STAG2: variants seen among roughly 807,000 people sequenced by gnomAD.
STAG2 encodes STAG2 cohesin complex component.
A neutral mutation model predicts 108.1 loss-of-function variants in STAG2; 14 were observed. That is an observed-to-expected ratio of 0.13 (90% CI 0.09 to 0.20). The LOEUF is 0.20. STAG2 is among the 10% of genes least tolerant of loss of function. The probability of loss-of-function intolerance (pLI) is 1.00; values close to 1 mark genes in which losing one functional copy is unlikely to be tolerated. For missense variants in STAG2, 440 were observed against 940.9 expected (o/e 0.47, Z 6.96); for synonymous variants, 307 against 302.7 (o/e 1.01, Z -0.15).
intron 34 of STAG2, 140 bp from the exon 35 acceptor site, chrX:124,100,434 C>T (rs1317491304): frequency 2.1e-6 from 1 of 484,167 alleles, no homozygotes; most frequent in East Asian, 3.8e-5. Context: ...AATTATACAT[C>T]TGAAGAGAGG....
intron 9 of STAG2, 71 bp from the exon 10 acceptor site, chrX:124,048,934 G>A (rs1194555142): frequency 4.6e-6 from 4 of 878,554 alleles, no homozygotes; most frequent in Non-Finnish European, 6.6e-6. Context: ...TTTTGTGCTT[G>A]TAACAACTTA....
In STAG2 at chrX:124,071,142, TA is replaced by T; in HGVS notation, c.2359-4del. On this transcript the variant is annotated splice_polypyrimidine_tract_variant and splice_region_variant and intron_variant, in intron 24 of 34. Coordinates refer to ENST00000371145, the MANE Select transcript of STAG2 (RefSeq NM_001042750.2). ...CATGCTTTCCTCTTTTTTTTTTTTT[TA>T]AATAGGCCTTCACTATTCTGTGTGA... The T allele has an allele frequency of 2.8e-6, 3 of 1,081,300 alleles. No individual in the cohort carries two copies. Among genetic ancestry groups the T allele is most frequent in the Non-Finnish European group, 2.4e-6 (2 of 831,334 alleles). The allele number at this position is 1,081,300 out of a possible 1,213,427, so 89.1% of individuals were successfully genotyped here. A position where few individuals can be genotyped will look rare whatever the true frequency, so the allele number is the denominator to read the frequency against.
chrX:124,016,999 C>A (rs1434710091), intron 1 of STAG2, among the ~76,000 whole-genome samples: 2 of 110,785 alleles, frequency 1.8e-5, no homozygotes, highest in African/African-American at 6.6e-5. Context: ...AAGGGTATGG[C>A]ATGTGGTGTG....
In STAG2 at chrX:124,061,046, C is replaced by T. The variant is rs750844481; in HGVS notation, c.1417-178C>T. On this transcript the variant is annotated intron_variant, in intron 15 of 34. Transcript: ENST00000371145. ...TAATGTGTAATGATGCTACCTAACA[C>T]GTCTTTCTTACAGCAAGCAAACTAA... is the stretch of plus-strand genomic sequence containing the variant. Among the ~76,000 whole-genome samples the T allele has an allele frequency of 3.6e-5, 4 of 110,473 alleles. No homozygotes were observed. In the South Asian group the frequency reaches 1.5e-3, roughly 41 times the overall value.
At chrX:124,026,475 G>A (rs1023604498) in intron 4 of STAG2, 8 of 163,191 alleles carry the variant, frequency 4.9e-5, no homozygotes, top group Non-Finnish European at 1.4e-5. Context: ...TTGGCGAATG[G>A]CTAAATTATT....
chrX:124,014,522 A>G (rs1036139321), intron 1 of STAG2, among the ~76,000 whole-genome samples: 2 of 110,196 alleles, frequency 1.8e-5, no homozygotes, highest in Admixed American at 9.7e-5. Flanking sequence ...CACCATGCCC[A>G]GCTAATTTTT....
intron 1 of STAG2, among the ~76,000 whole-genome samples, chrX:124,011,886 A>G (rs2056534433): frequency 1.8e-5 from 2 of 111,677 alleles, no homozygotes; most frequent in Non-Finnish European, 1.9e-5. Context: ...TAAAGACCCC[A>G]CTTCTCAGTA....
intron 1 of STAG2, among the ~76,000 whole-genome samples, chrX:124,001,864 T>C (rs757683217): frequency 9.0e-6 from 1 of 111,586 alleles, no homozygotes; most frequent in African/African-American, 3.3e-5. Context: ...TGACTATATA[T>C]TGAGGTATAA....
At chrX:124,003,420 T>G (rs1481917238) in intron 1 of STAG2, 1 of 111,589 alleles carries the variant, frequency 9.0e-6, no homozygotes, top group African/African-American at 3.3e-5. Flanking sequence ...AAATATAATT[T>G]TTTTTTAATA....
intron 1 of STAG2, among the ~76,000 whole-genome samples, chrX:124,006,629 C>T (rs772719580): frequency 5.4e-4 from 59 of 109,863 alleles, no homozygotes; most frequent in East Asian, 4.3e-3. Context: ...TTAGTAGAGA[C>T]GGGGTTTCAC....
At position 124,102,099 on chromosome X, in the gene STAG2, CA is replaced by C; in HGVS notation, c.*1507del. 1.9e-5 allele frequency: 3 copies of C among 160,219 alleles called. No individual in the cohort carries two copies. Among genetic ancestry groups the C allele is most frequent in the Non-Finnish European group, 3.7e-5 (3 of 81,851 alleles). The allele number at this position is 160,219 out of a possible 1,213,427, so 13.2% of individuals were successfully genotyped here. On this transcript the variant is annotated 3_prime_UTR_variant, in exon 35 of 35. Coordinates refer to ENST00000371145, the MANE Select transcript of STAG2 (RefSeq NM_001042750.2). ...AAATCAAGCATTGGGCTGTGGTAGC[CA>C]AAAACCATAGGTTAGCTAAAAAGAT... is the stretch of plus-strand genomic sequence containing the variant.
rs2057483330 is a variant in STAG2 at position 124,035,293 on chromosome X, A to G, written c.289-2234A>G. ...GCATACTATTTGATTAAAAATTTTA[A>G]GCATATTTCAGTAGCTCGCATTATT... On this transcript the variant is annotated intron_variant, in intron 5 of 34. Transcript: ENST00000371145. 2.7e-5 allele frequency among the ~76,000 whole-genome samples: 3 copies of G among 111,902 alleles called. No individual in the cohort carries two copies. In the South Asian group the frequency reaches 1.1e-3, roughly 41 times the overall value.
intron 25 of STAG2, among the ~76,000 whole-genome samples, chrX:124,072,192 A>G (rs2058680291): frequency 9.0e-6 from 1 of 110,759 alleles, no homozygotes; most frequent in South Asian, 3.9e-4. Flanking sequence ...TTTTGTAGAC[A>G]TGGGGTCTTG....
intron 4 of STAG2, among the ~76,000 whole-genome samples, chrX:124,029,015 T>G (rs866346693): frequency 1.0e-5 from 1 of 98,321 alleles, no homozygotes; most frequent in Non-Finnish European, 2.0e-5. Context: ...ATATATATAT[T>G]TATTTATTTA....
At chrX:124,020,195 T>C (rs1008585341) in intron 1 of STAG2, among the ~76,000 whole-genome samples, 3 of 112,448 alleles carry the variant, frequency 2.7e-5, no homozygotes, top group Non-Finnish European at 5.6e-5. Context: ...TATTCTCTGC[T>C]TCTCAGAGAT....
chrX:124,048,725 C>T lies in STAG2; in HGVS notation c.820-280C>T, dbSNP rs150375163. On this transcript the variant is annotated intron_variant, in intron 9 of 34. Coordinates refer to ENST00000371145, the MANE Select transcript of STAG2 (RefSeq NM_001042750.2). The stretch of plus-strand genomic sequence containing the variant: ...GATTACAGGCATGAGCCACTGCACC[C>T]GGCCTTCTTTACAGTTCTTTAGTGG... Among the ~76,000 whole-genome samples the T allele has an allele frequency of 6.5e-4, 73 of 111,772 alleles. 2 individuals carry two copies. The East Asian group carries it at 0.018, about 27-fold the overall frequency.
intron 2 of STAG2, among the ~76,000 whole-genome samples, 188 bp from the exon 3 acceptor site, chrX:124,022,343 C>T (rs2056959114): frequency 9.8e-6 from 1 of 102,164 alleles, no homozygotes; most frequent in Non-Finnish European, 2.0e-5. Flanking sequence ...TGCACCCCAG[C>T]CTGGGTGACA....
At chrX:124,049,791 C>T (rs1453911693) in intron 10 of STAG2, among the ~76,000 whole-genome samples, 1 of 111,953 alleles carries the variant, frequency 8.9e-6, no homozygotes, top group Non-Finnish European at 1.9e-5. Context: ...TTTATTCTAA[C>T]ATTCAAATCC....
chrX:123,970,001 T>A (rs1049274900), intron 1 of STAG2, among the ~76,000 whole-genome samples: 2 of 105,358 alleles, frequency 1.9e-5, no homozygotes, highest in East Asian at 2.9e-4. Context: ...AAGTTTTTTT[T>A]ATCTGAAGGA....
Sources: gnomAD v4.1 joint callset for allele counts (sites outside exome capture counted in the v4.1 genomes callset) on GRCh38, gnomAD v4.1.1 for gene constraint, MANE v1.5 for transcripts, NCBI Gene and HGNC (gene_info 2026-07-23, HGNC 2026-07-21) for gene names.